The following MTUS2 variants were observed in gnomAD, a reference collection of about 807,000 sequenced individuals.
The protein encoded by MTUS2 is microtubule-associated tumor suppressor candidate 2.
MTUS2 carries 40 observed loss-of-function variants against 114.1 expected under a neutral mutation model. The observed-to-expected ratio is 0.35, with a 90% confidence interval of 0.27 to 0.46. MTUS2 has a LOEUF of 0.46. Ranked by LOEUF, MTUS2 falls within the 20% of genes least tolerant of loss-of-function variation. The probability of loss-of-function intolerance (pLI) is 1.00; values close to 1 mark genes in which losing one functional copy is unlikely to be tolerated. For missense variants in MTUS2, 1,679 were observed against 1,705.4 expected (o/e 0.98, Z 0.27); for synonymous variants, 688 against 672.0 (o/e 1.02, Z -0.37).
intron 4 of MTUS2, among the ~76,000 whole-genome samples, chr13:29,084,333 C>T (rs80176047): frequency 0.028 from 4,296 of 151,534 alleles, 217 homozygotes; most frequent in African/African-American, 0.099. Flanking sequence ...GTTGCTTTCT[C>T]CATCTCTTTC....
In MTUS2 at chr13:29,007,615, C is replaced by T. The variant is rs562464750; in HGVS notation, c.-242-16842C>T. 4.6e-5 allele frequency among the ~76,000 whole-genome samples: 7 copies of T among 152,108 alleles called. No homozygotes were observed. The South Asian group carries it at 1.5e-3, about 32-fold the overall frequency. ...CACTCCTGAGACAGCAAGACCAACC[C>T]CTCCTCTTTCTCCTCCTCCTCAGCC... On this transcript the variant is annotated intron_variant, in intron 2 of 15. Transcript: ENST00000612955.
chr13:29,457,980 C>T (rs1321466953), intron 9 of MTUS2, among the ~76,000 whole-genome samples: 1 of 152,160 alleles, frequency 6.6e-6, no homozygotes, highest in East Asian at 1.9e-4. Context: ...TCTTGATCTC[C>T]TGACCTCATG....
At chr13:29,295,773 G>A (rs1898914037) in intron 6 of MTUS2, among the ~76,000 whole-genome samples, 1 of 152,194 alleles carries the variant, frequency 6.6e-6, no homozygotes. Flanking sequence ...AATCATGGTG[G>A]AAGGTGAAAG....
chr13:29,457,484 T>C (rs912958243), intron 9 of MTUS2, among the ~76,000 whole-genome samples: 2 of 152,154 alleles, frequency 1.3e-5, no homozygotes, highest in African/African-American at 4.8e-5. Flanking sequence ...CTTTTTATTG[T>C]TGACTAGCAT....
Position 29,504,472 on chromosome 13 carries a change from C to T in MTUS2, c.*1266C>T, listed in dbSNP as rs534029303. ...CATCACACGACCACCCAGAAACCCACTTGCACTTCCTGCTGGATGATCAGG... is the reference window on the plus strand; with the variant it reads ...CATCACACGACCACCCAGAAACCCATTTGCACTTCCTGCTGGATGATCAGG... On this transcript the variant is annotated 3_prime_UTR_variant, in exon 16 of 16. Coordinates refer to ENST00000612955, the MANE Select transcript of MTUS2 (RefSeq NM_001033602.4). The T allele has an allele frequency of 4.7e-5, 11 of 232,912 alleles. No homozygotes were observed. Among genetic ancestry groups the T allele is most frequent in the African/African-American group, 1.8e-4 (8 of 45,348 alleles). 14.4% of individuals were successfully genotyped at this position (232,912 alleles called of 1,614,324 possible). A position where few individuals can be genotyped will look rare whatever the true frequency, so the allele number is the denominator to read the frequency against.
intron 9 of MTUS2, among the ~76,000 whole-genome samples, chr13:29,478,416 A>G (rs1245761956): frequency 1.3e-5 from 2 of 152,182 alleles, no homozygotes; most frequent in East Asian, 3.8e-4. Flanking sequence ...AATGGTTCCA[A>G]TTATACAATA....
chr13:29,022,276 A>G (rs1886323853), intron 2 of MTUS2, among the ~76,000 whole-genome samples: 1 of 152,194 alleles, frequency 6.6e-6, no homozygotes, highest in African/African-American at 2.4e-5. Flanking sequence ...GGAAACACAG[A>G]GGGCTTCAGT....
chr13:29,194,346 C>G (rs1268983758), intron 5 of MTUS2, among the ~76,000 whole-genome samples: 1 of 149,442 alleles, frequency 6.7e-6, no homozygotes, highest in Non-Finnish European at 1.5e-5. Context: ...ACCTACTCAT[C>G]TGACAAAGGG....
At chr13:29,325,487 A>AG (rs1460957029) in intron 7 of MTUS2, among the ~76,000 whole-genome samples, 19,698 of 121,310 alleles carry the variant, frequency 0.16, 1,762 homozygotes, top group Non-Finnish European at 0.2. Flanking sequence ...AAGAAGAGGA[A>AG]GAGGGAGGAG....
At chr13:29,322,127 A>G (rs967045371) in intron 6 of MTUS2, among the ~76,000 whole-genome samples, 1 of 152,224 alleles carries the variant, frequency 6.6e-6, no homozygotes, top group Non-Finnish European at 1.5e-5. Context: ...CATTTTTGAT[A>G]AAATTCAAAT....
chr13:29,154,750 G>A (rs1024864063), intron 5 of MTUS2, among the ~76,000 whole-genome samples: 1 of 152,176 alleles, frequency 6.6e-6, no homozygotes, highest in Non-Finnish European at 1.5e-5. Context: ...ATATGGCTAA[G>A]CTAGATTGGA....
chr13:29,162,743 A>G (rs1039844825), intron 5 of MTUS2, among the ~76,000 whole-genome samples: 2 of 152,260 alleles, frequency 1.3e-5, no homozygotes, highest in African/African-American at 4.8e-5. Flanking sequence ...GCATCCGTGC[A>G]CTTGCTAACA....
At position 29,025,190 on chromosome 13, in the gene MTUS2, A is replaced by T; in HGVS notation, c.492A>T (p.Ala164=). 6.2e-7 allele frequency: 1 copy of T among 1,614,000 alleles called. No individual in the cohort carries two copies. Among genetic ancestry groups the T allele is most frequent in the Non-Finnish European group, 8.5e-7 (1 of 1,179,900 alleles). The change falls in exon 3 of 16, where the codon GCA becomes GCT. Residue 164 remains alanine, a synonymous_variant. Coordinates refer to ENST00000612955, the MANE Select transcript of MTUS2 (RefSeq NM_001033602.4). ...IPRHVPKDKL[A]KTLDNEELRR... Reference sequence around the variant, plus strand: ...GGCATGTTCCCAAGGATAAACTGGCAAAGACCCTTGACAATGAGGAACTGA... The same window carrying T: ...GGCATGTTCCCAAGGATAAACTGGCTAAGACCCTTGACAATGAGGAACTGA...
At chr13:29,501,912 CATAT>C (rs554955234) in intron 15 of MTUS2, among the ~76,000 whole-genome samples, 144 of 152,306 alleles carry the variant, frequency 9.5e-4, no homozygotes, top group Middle Eastern at 3.4e-3. Context: ...CGCACACACT[CATAT>C]ACTCATACAA....
intron 2 of MTUS2, among the ~76,000 whole-genome samples, chr13:29,022,050 C>T (rs759038324): frequency 3.9e-5 from 6 of 152,116 alleles, no homozygotes; most frequent in East Asian, 1.9e-4. Context: ...GAAATGCAAG[C>T]GCACATGCAC....
At position 28,987,242 on chromosome 13, in the gene MTUS2, C is replaced by T. The variant is rs911345924; in HGVS notation, c.-242-37215C>T. Among the ~76,000 whole-genome samples the T allele has an allele frequency of 4.6e-5, 7 of 152,218 alleles. No individual in the cohort carries two copies. The East Asian group carries it at 7.7e-4, about 17-fold the overall frequency. Reference sequence around the variant, plus strand: ...CTTCCCTCCCTGTGGCAAGAGGCAACCCTGGGTGAAAAGATGGAGAAGAGT... The same window carrying T: ...CTTCCCTCCCTGTGGCAAGAGGCAATCCTGGGTGAAAAGATGGAGAAGAGT... On this transcript the variant is annotated intron_variant, in intron 2 of 15. Transcript: ENST00000612955.
At chr13:29,210,731 C>A (rs958721195) in intron 5 of MTUS2, among the ~76,000 whole-genome samples, 1 of 152,138 alleles carries the variant, frequency 6.6e-6, no homozygotes, top group Non-Finnish European at 1.5e-5. Flanking sequence ...CTACCAGGCT[C>A]CAGGCTGGTA....
intron 14 of MTUS2, among the ~76,000 whole-genome samples, chr13:29,498,787 T>TC (rs1185659663): frequency 6.6e-6 from 1 of 152,194 alleles, no homozygotes; most frequent in Non-Finnish European, 1.5e-5. Context: ...GCCCTGGTTT[T>TC]CCCACAGTTG....
At chr13:29,310,337 T>A (rs944810497) in intron 6 of MTUS2, among the ~76,000 whole-genome samples, 1 of 152,206 alleles carries the variant, frequency 6.6e-6, no homozygotes, top group Non-Finnish European at 1.5e-5. Flanking sequence ...ACCTCTTCAT[T>A]GTGTCTTTTA....
Sources: allele counts gnomAD v4.1 joint callset (sites outside exome capture counted in the v4.1 genomes callset), GRCh38; gene constraint gnomAD v4.1.1; transcripts MANE v1.5; gene names NCBI Gene and HGNC (gene_info 2026-07-23, HGNC 2026-07-21).